Variants in CNOT6L observed in about 807,000 individuals in gnomAD.
CNOT6L encodes the protein CCR4-NOT transcription complex subunit 6 like, also known as CCR4-NOT transcription complex subunit 6-like.
CNOT6L carries 7 observed loss-of-function variants against 64.0 expected under a neutral mutation model. That is an observed-to-expected ratio of 0.11 (90% CI 0.06 to 0.21). CNOT6L has a LOEUF of 0.21. Ranked by LOEUF, CNOT6L falls within the 10% of genes least tolerant of loss-of-function variation. The pLI, the probability that CNOT6L is intolerant of heterozygous loss-of-function variation, is 1.00. For synonymous variants in CNOT6L, 193 were observed against 243.4 expected, an observed-to-expected ratio of 0.79 and a Z score of 1.93; for missense variants, 245 against 669.0, an observed-to-expected ratio of 0.37 and a Z score of 6.99.
At chr4:77,803,116 C>T (rs1349338471) in intron 1 of CNOT6L, among the ~76,000 whole-genome samples, 2 of 151,566 alleles carry the variant, frequency 1.3e-5, no homozygotes, top group Non-Finnish European at 2.9e-5. Context: ...ATGTAAACAG[C>T]TATTAACAAA....
chr4:77,726,730 A>G (rs1194778001), intron 10 of CNOT6L, among the ~76,000 whole-genome samples: 1 of 152,202 alleles, frequency 6.6e-6, no homozygotes, highest in Non-Finnish European at 1.5e-5. Context: ...ATTCCAAACC[A>G]CTATCTCTTT....
chr4:77,762,256 T>G (rs1726323253), intron 4 of CNOT6L, among the ~76,000 whole-genome samples: 1 of 152,186 alleles, frequency 6.6e-6, no homozygotes, highest in Admixed American at 6.5e-5. Flanking sequence ...AAATGCAAAG[T>G]ATCTAGAAAT....
intron 1 of CNOT6L, among the ~76,000 whole-genome samples, chr4:77,790,740 C>T (rs892372097): frequency 1.3e-5 from 2 of 151,380 alleles, no homozygotes; most frequent in African/African-American, 2.4e-5. Flanking sequence ...CTTGCTCTGT[C>T]GCCCAGGCTA....
chr4:77,800,390 G>C (rs1039328859), intron 1 of CNOT6L, among the ~76,000 whole-genome samples: 1 of 151,706 alleles, frequency 6.6e-6, no homozygotes, highest in Admixed American at 6.6e-5. Flanking sequence ...ATGTGACTGT[G>C]AGTGAGCACC....
intron 1 of CNOT6L, among the ~76,000 whole-genome samples, chr4:77,780,158 C>T (rs547841538): frequency 1.7e-4 from 26 of 152,232 alleles, no homozygotes; most frequent in African/African-American, 5.5e-4. Context: ...CTAAATGTGA[C>T]ACTGCTCATG....
chr4:77,802,521 A>T (rs1006382303), intron 1 of CNOT6L, among the ~76,000 whole-genome samples: 1 of 152,190 alleles, frequency 6.6e-6, no homozygotes, highest in African/African-American at 2.4e-5. Context: ...GGCTTCTCTG[A>T]CTTTGAAAAC....
In CNOT6L at chr4:77,748,344, T is replaced by C; in HGVS notation, c.531A>G (p.Leu177=). 6.2e-7 allele frequency: 1 copy of C among 1,612,776 alleles called. No individual in the cohort carries two copies. The highest frequency in any genetic ancestry group is 8.5e-7 in the Non-Finnish European group (1 of 1,179,158). ...ACGGCAGAATTTGGTCTCGTTCTTT[T>C]AATGTAATCCATGGCCTCGGAGGAA... ...EQLPPRPWIT[L]KERDQILPSA... Residue 177 remains leucine (L), a synonymous_variant, in exon 6 of 12, where the codon TTA becomes TTG. Transcript: ENST00000504123.
chr4:77,726,603 A>C (rs1181707545), intron 10 of CNOT6L, among the ~76,000 whole-genome samples: 1 of 152,242 alleles, frequency 6.6e-6, no homozygotes, highest in Non-Finnish European at 1.5e-5. Context: ...AAAATATATC[A>C]GGAACACTCA....
rs1004516236 is a variant in CNOT6L, at chr4:77,818,933, A to G, written c.5+371T>C. ...CCGCTGCCGCGCGTGTGCCGCACTCACTCAGCCCTCCCCGGCCGGCCCCCT... is the reference window on the plus strand; with the variant it reads ...CCGCTGCCGCGCGTGTGCCGCACTCGCTCAGCCCTCCCCGGCCGGCCCCCT... On this transcript the variant is annotated intron_variant, in intron 1 of 11. Transcript: ENST00000504123. 2.0e-4 allele frequency: 122 copies of G among 619,810 alleles called. 1 individual carries two copies. In the African/African-American group the frequency reaches 2.0e-3, roughly 10 times the overall value. 38.4% of individuals were successfully genotyped at this position (619,810 alleles called of 1,614,324 possible).
At position 77,819,065 on chromosome 4, in the gene CNOT6L, C is replaced by T; in HGVS notation, c.5+239G>A. 5.6e-6 allele frequency: 4 copies of T among 711,186 alleles called. No individual in the cohort carries two copies. In the Admixed American group the frequency reaches 8.2e-5, roughly 15 times the overall value. The allele number at this position is 711,186 out of a possible 1,614,324, so 44.1% of individuals were successfully genotyped here. ...GCCACCCCCGACACACACACACACA[C>T]ACACACACACCCCGGAACCTTCGCC... On this transcript the variant is annotated intron_variant, in intron 1 of 11. Coordinates refer to ENST00000504123, the MANE Select transcript of CNOT6L (RefSeq NM_144571.3).
chr4:77,733,674 G>A (rs1238112899), intron 8 of CNOT6L, among the ~76,000 whole-genome samples: 1 of 151,966 alleles, frequency 6.6e-6, no homozygotes, highest in African/African-American at 2.4e-5. Context: ...TTGGGGCGTA[G>A]GGGCAGGGGA....
At chr4:77,772,848 A>G (rs751633359) in intron 4 of CNOT6L, among the ~76,000 whole-genome samples, 5 of 152,178 alleles carry the variant, frequency 3.3e-5, no homozygotes, top group Non-Finnish European at 5.9e-5. Flanking sequence ...GCATGAAGCC[A>G]GGAGGCAGAG....
chr4:77,801,797 G>A (rs1410180054), intron 1 of CNOT6L, among the ~76,000 whole-genome samples: 1 of 151,666 alleles, frequency 6.6e-6, no homozygotes. Flanking sequence ...GCTGAGGCAG[G>A]AGGACTGCTT....
chr4:77,727,788 G>A (rs1722034281), intron 10 of CNOT6L, among the ~76,000 whole-genome samples: 1 of 152,130 alleles, frequency 6.6e-6, no homozygotes, highest in Non-Finnish European at 1.5e-5. Flanking sequence ...AAAGGATTAA[G>A]AAAGGAGCAT....
intron 4 of CNOT6L, among the ~76,000 whole-genome samples, chr4:77,772,563 C>T (rs923475593): frequency 2.0e-5 from 3 of 152,032 alleles, no homozygotes; most frequent in Middle Eastern, 3.4e-3. Context: ...AAAAATTTTC[C>T]CCTTACAAGT....
chr4:77,755,652 A>C (rs1725480317), intron 5 of CNOT6L, among the ~76,000 whole-genome samples: 1 of 152,188 alleles, frequency 6.6e-6, no homozygotes, highest in Non-Finnish European at 1.5e-5. Flanking sequence ...ATCAACTTTT[A>C]GTCTTTTTAG....
chr4:77,751,083 C>G (rs1052657896), intron 5 of CNOT6L, among the ~76,000 whole-genome samples: 2 of 152,180 alleles, frequency 1.3e-5, no homozygotes, highest in African/African-American at 4.8e-5. Context: ...TGAGCTGAAT[C>G]AGATGTTGAA....
In CNOT6L at chr4:77,713,705, C is replaced by A. The variant is rs1012730784; in HGVS notation, c.*6726G>T. On this transcript the variant is annotated 3_prime_UTR_variant, in exon 12 of 12. Coordinates refer to ENST00000504123, the MANE Select transcript of CNOT6L (RefSeq NM_144571.3). ...GTACAGTGTCTATTGTGAAAAACAT[C>A]TCAGCTGAGCAGTTTTGGTCAAGAT... The A allele has an allele frequency of 6.6e-6, 1 of 152,520 alleles. No homozygotes were observed. Among genetic ancestry groups the A allele is most frequent in the Non-Finnish European group, 1.5e-5 (1 of 68,022 alleles). The allele number at this position is 152,520 out of a possible 1,614,324, so 9.4% of individuals were successfully genotyped here. A position where few individuals can be genotyped will look rare whatever the true frequency, so the allele number is the denominator to read the frequency against.
Position 77,720,316 on chromosome 4 carries a change from G to C in CNOT6L, c.*115C>G, listed in dbSNP as rs1176967160. On this transcript the variant is annotated 3_prime_UTR_variant, in exon 12 of 12. Transcript: ENST00000504123. The stretch of plus-strand genomic sequence containing the variant: ...CAAAGTCTTACAGCAAACACATAAT[G>C]AAAGAAACCTGAAGAAGCAGCTTAA... 3.3e-6 allele frequency: 4 copies of C among 1,218,010 alleles called. No homozygotes were observed. In the Admixed American group the frequency reaches 8.7e-5, roughly 26 times the overall value. The allele number at this position is 1,218,010 out of a possible 1,614,324, so 75.5% of individuals were successfully genotyped here.
Sources: gnomAD v4.1 joint callset for allele counts (sites outside exome capture counted in the v4.1 genomes callset) on GRCh38, gnomAD v4.1.1 for gene constraint, MANE v1.5 for transcripts, NCBI Gene and HGNC (gene_info 2026-07-23, HGNC 2026-07-21) for gene names.